SPTBN1: variants seen among roughly 807,000 people sequenced by gnomAD.
SPTBN1 encodes spectrin beta chain, non-erythrocytic 1.
SPTBN1 carries 32 observed loss-of-function variants against 266.4 expected under a neutral mutation model. That is an observed-to-expected ratio of 0.12 (90% CI 0.09 to 0.16). The LOEUF is 0.16. SPTBN1 is among the 10% of genes least tolerant of loss of function. The pLI is 1.00. For synonymous variants in SPTBN1, 1,336 were observed against 1,162.2 expected (o/e 1.15, Z -3.04); for missense variants, 2,296 against 3,067.1 (o/e 0.75, Z 5.94).
chr2:54,539,618 C>T (rs1296707162), intron 2 of SPTBN1, among the ~76,000 whole-genome samples: 2 of 152,100 alleles, frequency 1.3e-5, no homozygotes, highest in East Asian at 1.9e-4. Context: ...TGGCTCATTG[C>T]GACCTCCACC....
chr2:54,646,562 T>A lies in SPTBN1; in HGVS notation c.4866+87T>A, dbSNP rs2104071131. The A allele has an allele frequency of 7.2e-7, 1 of 1,397,530 alleles. No homozygotes were observed. The highest frequency in any genetic ancestry group is 9.3e-7 in the Non-Finnish European group (1 of 1,070,304). 86.6% of individuals were successfully genotyped at this position (1,397,530 alleles called of 1,614,324 possible). A position where few individuals can be genotyped will look rare whatever the true frequency, so the allele number is the denominator to read the frequency against. On this transcript the variant is annotated intron_variant, in intron 23 of 35. Coordinates refer to ENST00000356805, the MANE Select transcript of SPTBN1 (RefSeq NM_003128.3). The surrounding 1 kb of genome is among the most constrained non-coding windows in gnomAD (Gnocchi z 4.4). ...CTTTCTGCTGGCGGCTCTGTCTGTA[T>A]AAAAACTTCCCTTGTAGCCTTTGAG...
chr2:54,562,304 C>T (rs1018767793), intron 2 of SPTBN1, among the ~76,000 whole-genome samples: 2 of 152,096 alleles, frequency 1.3e-5, no homozygotes, highest in Non-Finnish European at 2.9e-5. Flanking sequence ...GTTGCTTGTG[C>T]CATTGTGTAA....
chr2:54,593,260 G>T (rs947719619), intron 2 of SPTBN1, among the ~76,000 whole-genome samples: 19 of 152,106 alleles, frequency 1.2e-4, no homozygotes, highest in Middle Eastern at 3.4e-3. Flanking sequence ...AGGTTCTCGG[G>T]GCTCCAAGGT....
chr2:54,517,706 C>T (rs985100718), intron 1 of SPTBN1, among the ~76,000 whole-genome samples: 2 of 150,568 alleles, frequency 1.3e-5, no homozygotes, highest in African/African-American at 2.4e-5. Flanking sequence ...AGTGTAGTAG[C>T]GCTATCTCAG....
intron 30 of SPTBN1, among the ~76,000 whole-genome samples, 161 bp downstream of exon 30, chr2:54,658,207 G>T (rs1680807608): frequency 1.3e-5 from 2 of 152,140 alleles, no homozygotes; most frequent in Admixed American, 6.5e-5. Context: ...TGTGGAGCAG[G>T]ACCTAGGGAG....
intron 3 of SPTBN1, among the ~76,000 whole-genome samples, chr2:54,611,538 C>T (rs1268703163): frequency 6.6e-6 from 1 of 152,000 alleles, no homozygotes; most frequent in African/African-American, 2.4e-5. Context: ...GCCTCTTTTA[C>T]GTTTTGATAA....
In SPTBN1 at chr2:54,629,514, G is replaced by A. The variant is rs751609029; in HGVS notation, c.2380G>A (p.Ala794Thr). The A allele has an allele frequency of 1.5e-5, 24 of 1,613,996 alleles. No homozygotes were observed. Among genetic ancestry groups the A allele is most frequent in the Middle Eastern group, 1.6e-4 (1 of 6,084 alleles). ...ACACAAGGACGTGGCGGAAGAGATC[G>A]CCAATTACAGGCCCACCCTTGACAC... Reference protein sequence around the residue: ...KKHKDVAEEIANYRPTLDTLH... With the variant: ...KKHKDVAEEITNYRPTLDTLH... Residue 794 changes from alanine (A) to threonine (T), a missense_variant, in exon 14 of 36, where the codon GCC becomes ACC. Transcript: ENST00000356805.
intron 1 of SPTBN1, among the ~76,000 whole-genome samples, chr2:54,512,133 A>G (rs551927462): frequency 6.6e-6 from 1 of 152,284 alleles, no homozygotes; most frequent in Non-Finnish European, 1.5e-5. Context: ...GGTATAAGCA[A>G]ACTATGGGGA....
chr2:54,562,360 A>G (rs1558842601), intron 2 of SPTBN1, among the ~76,000 whole-genome samples: 1 of 152,102 alleles, frequency 6.6e-6, no homozygotes, highest in Non-Finnish European at 1.5e-5. Flanking sequence ...TCTCCGTAAA[A>G]TGGCCCCACT....
At chr2:54,521,031 A>G (rs913651433) in intron 1 of SPTBN1, among the ~76,000 whole-genome samples, 11 of 152,188 alleles carry the variant, frequency 7.2e-5, no homozygotes, top group African/African-American at 2.7e-4. Flanking sequence ...AGAAGTACAG[A>G]TGACTTCACA....
Position 54,558,400 on chromosome 2 carries a change from CG to C in SPTBN1, c.148+31835del, listed in dbSNP as rs1400357503. 26 of 1,013,606 alleles carry C rather than the reference CG, an allele frequency of 2.6e-5. No homozygotes were observed. The highest frequency in any genetic ancestry group is 4.2e-5 in the South Asian group (1 of 24,024). 62.8% of individuals were successfully genotyped at this position (1,013,606 alleles called of 1,614,324 possible). ...CCGCGGGCAGCTGGGAGGAGGTGTG[CG>C]CGCTGCGCCCGCGAGCTCCCGGGCT... is the stretch of plus-strand genomic sequence containing the variant. On this transcript the variant is annotated intron_variant, in intron 2 of 35. Coordinates refer to ENST00000356805, the MANE Select transcript of SPTBN1 (RefSeq NM_003128.3). This position sits in a 1 kb window ranked among gnomAD's most constrained non-coding sequence, Gnocchi z 4.6.
At chr2:54,658,535 T>C (rs147649490) in intron 30 of SPTBN1, among the ~76,000 whole-genome samples, 1 of 152,312 alleles carries the variant, frequency 6.6e-6, no homozygotes, top group African/African-American at 2.4e-5. Flanking sequence ...CCCAAGACTT[T>C]TGCATTCCTG....
At chr2:54,593,753 C>G (rs778666607) in intron 2 of SPTBN1, among the ~76,000 whole-genome samples, 44 of 140,718 alleles carry the variant, frequency 3.1e-4, no homozygotes, top group Non-Finnish European at 5.7e-4. Context: ...AGACCCTTTA[C>G]AAAATAAGGA....
chr2:54,572,439 A>T (rs1222892280), intron 2 of SPTBN1, among the ~76,000 whole-genome samples: 2 of 152,198 alleles, frequency 1.3e-5, no homozygotes, highest in African/African-American at 2.4e-5. Flanking sequence ...GTCTTTGTTT[A>T]CAGAGATAAC....
intron 3 of SPTBN1, among the ~76,000 whole-genome samples, chr2:54,601,285 C>A (rs1261614317): frequency 6.6e-6 from 1 of 152,122 alleles, no homozygotes; most frequent in Non-Finnish European, 1.5e-5. Flanking sequence ...TTTTCTTATT[C>A]CAAAAATAAA....
intron 3 of SPTBN1, among the ~76,000 whole-genome samples, chr2:54,608,302 AG>A (rs1306102292): frequency 6.6e-6 from 1 of 152,202 alleles, no homozygotes; most frequent in Non-Finnish European, 1.5e-5. Flanking sequence ...TATAATGATG[AG>A]TTCCTGGGCT....
chr2:54,507,031 G>A (rs1451383748), intron 1 of SPTBN1, among the ~76,000 whole-genome samples: 3 of 151,988 alleles, frequency 2.0e-5, no homozygotes, highest in Non-Finnish European at 4.4e-5. Flanking sequence ...GGAGTTAAGA[G>A]CAATGTTTTG....
intron 2 of SPTBN1, among the ~76,000 whole-genome samples, chr2:54,577,145 G>C (rs533378693): frequency 1.3e-5 from 2 of 152,116 alleles, no homozygotes; most frequent in Admixed American, 1.3e-4. Flanking sequence ...GCTAATCTTG[G>C]CACAGGTCCC....
Position 54,632,725 on chromosome 2 carries a change from A to C in SPTBN1, c.3724A>C (p.Asn1242His), listed in dbSNP as rs1323305935. 1 of 1,614,216 alleles carries C rather than the reference A, an allele frequency of 6.2e-7. No individual in the cohort carries two copies. Among genetic ancestry groups the C allele is most frequent in the Non-Finnish European group, 8.5e-7 (1 of 1,180,040 alleles). The change falls in exon 17 of 36, where the codon AAC becomes CAC. Residue 1242 changes from asparagine to histidine, a missense_variant. Asn to His is a moderately conservative substitution (Grantham distance 68, BLOSUM62 1). Transcript: ENST00000356805. ...GAGGCTGGTGAGCGATGGGAACATC[A>C]ACTCAGATCGCATCCAGGAGAAGGT... ...GRRLVSDGNINSDRIQEKVDS... is the reference protein window; with the variant it reads ...GRRLVSDGNIHSDRIQEKVDS...
Sources: gnomAD v4.1 joint callset for allele counts (sites outside exome capture counted in the v4.1 genomes callset) on GRCh38, gnomAD v4.1.1 for gene constraint, Gnocchi (gnomAD v3.1) non-coding constraint, MANE v1.5 for transcripts, NCBI Gene and HGNC (gene_info 2026-07-23, HGNC 2026-07-21) for gene names.